The following RAD54L2 variants were observed in gnomAD, a reference collection of about 807,000 sequenced individuals.
RAD54L2 encodes the protein RAD54 like 2.
In RAD54L2, 27 loss-of-function variants were observed where a neutral mutation model predicts 138.4. The ratio of observed to expected loss-of-function variants is 0.20; its 90% CI spans 0.14 to 0.27. RAD54L2 has a LOEUF of 0.27. Among genes scored for constraint, RAD54L2 ranks in the 10% least tolerant of loss-of-function variants. RAD54L2 has a pLI of 1.00. For missense variants in RAD54L2, 1,396 were observed against 1,890.2 expected (o/e 0.74, Z 4.85); for synonymous variants, 644 against 723.2 (o/e 0.89, Z 1.76).
chr3:51,655,195 A>G (rs192932854), intron 19 of RAD54L2, among the ~76,000 whole-genome samples: 2 of 151,512 alleles, frequency 1.3e-5, no homozygotes, highest in Non-Finnish European at 3.0e-5. Context: ...GAAGAACATA[A>G]CAGTCTTAAG....
intron 5 of RAD54L2, among the ~76,000 whole-genome samples, chr3:51,629,862 C>A (rs1700796294): frequency 6.6e-6 from 1 of 151,440 alleles, no homozygotes; most frequent in African/African-American, 2.4e-5. Flanking sequence ...GACTCTATCT[C>A]AAAAAAATAA....
chr3:51,565,807 G>A (rs1443266450), intron 2 of RAD54L2, among the ~76,000 whole-genome samples: 2 of 149,986 alleles, frequency 1.3e-5, no homozygotes, highest in Admixed American at 6.7e-5. Flanking sequence ...CTTTCATGTA[G>A]CCACCTTACT....
intron 3 of RAD54L2, among the ~76,000 whole-genome samples, chr3:51,607,674 C>T (rs1182459058): frequency 2.0e-5 from 3 of 151,626 alleles, no homozygotes; most frequent in African/African-American, 2.4e-5. Flanking sequence ...ACTTCCCAGA[C>T]GGGGCGGCCG....
intron 19 of RAD54L2, among the ~76,000 whole-genome samples, chr3:51,652,150 G>T (rs1318490641): frequency 2.0e-5 from 3 of 151,786 alleles, no homozygotes; most frequent in Non-Finnish European, 4.4e-5. Context: ...ATAACAGACA[G>T]AGAGCCAAAT....
chr3:51,584,303 C>T (rs1699667950), intron 2 of RAD54L2, among the ~76,000 whole-genome samples: 1 of 152,050 alleles, frequency 6.6e-6, no homozygotes, highest in African/African-American at 2.4e-5. Context: ...TGCATTTGTT[C>T]ACCTTTTGTT....
intron 3 of RAD54L2, among the ~76,000 whole-genome samples, chr3:51,624,107 C>G (rs898742093): frequency 1.6e-4 from 25 of 151,930 alleles, no homozygotes; most frequent in African/African-American, 5.8e-4. Flanking sequence ...ATCCATACCT[C>G]ATACCTGGAA....
At chr3:51,639,179 A>T (rs911526404) in intron 12 of RAD54L2, 33 of 537,844 alleles carry the variant, frequency 6.1e-5, no homozygotes, top group Non-Finnish European at 6.6e-6. Flanking sequence ...TGTATCAAAC[A>T]TACTTACTGG....
chr3:51,655,126 C>G (rs528861820), intron 19 of RAD54L2, among the ~76,000 whole-genome samples: 1 of 152,126 alleles, frequency 6.6e-6, no homozygotes, highest in South Asian at 2.1e-4. Flanking sequence ...TGCAGACCAG[C>G]TCCAACAGCA....
intron 2 of RAD54L2, among the ~76,000 whole-genome samples, chr3:51,551,137 CT>C (rs1698825508): frequency 6.7e-6 from 1 of 150,254 alleles, no homozygotes; most frequent in African/African-American, 2.4e-5. Flanking sequence ...TTCATTTAAT[CT>C]TTTTTTGTTG....
intron 3 of RAD54L2, among the ~76,000 whole-genome samples, chr3:51,617,531 G>T (rs752524353): frequency 2.0e-5 from 3 of 151,984 alleles, no homozygotes; most frequent in Non-Finnish European, 4.4e-5. Flanking sequence ...CTTCTCATTT[G>T]CCCCTTTTTA....
At chr3:51,584,987 AG>A (rs1400866908) in intron 2 of RAD54L2, among the ~76,000 whole-genome samples, 39 of 150,528 alleles carry the variant, frequency 2.6e-4, no homozygotes, top group Admixed American at 2.6e-3. Context: ...TTTTTTGTAG[AG>A]GTGGGGTCTT....
rs1701041449 is a variant in RAD54L2 at position 51,638,337 on chromosome 3, A to T, written c.1860+16A>T. 3 of 1,612,902 alleles carry T rather than the reference A, an allele frequency of 1.9e-6. No homozygotes were observed. Among genetic ancestry groups the T allele is most frequent in the African/African-American group, 2.7e-5 (2 of 75,026 alleles). On this transcript the variant is annotated intron_variant, in intron 12 of 22. Coordinates refer to ENST00000684192, the MANE Select transcript of RAD54L2 (RefSeq NM_015106.4). This position sits in a 1 kb window ranked among gnomAD's most constrained non-coding sequence, Gnocchi z 4.3. Reference sequence around the variant, plus strand: ...GTGTTGCAAGGTGCATTGGGGCCTCAGGGAAGATTGAGATGGGGACTAAGG... The same window carrying T: ...GTGTTGCAAGGTGCATTGGGGCCTCTGGGAAGATTGAGATGGGGACTAAGG...
In RAD54L2 at chr3:51,646,294, G is replaced by A. The variant is rs777342901; in HGVS notation, c.2839G>A (p.Glu947Lys). The A allele has an allele frequency of 6.3e-6, 10 of 1,585,974 alleles. No individual in the cohort carries two copies. The highest frequency in any genetic ancestry group is 5.5e-5 in the Admixed American group (3 of 54,886). Residue 947 changes from glutamate (E) to lysine (K), a missense_variant, in exon 19 of 23, where the codon GAG becomes AAG. Glu to Lys is a moderately conservative substitution (Grantham distance 56, BLOSUM62 1). Transcript: ENST00000684192. ...YPHLITKEPF[E>K]HESLLLNRKD... ...CCTCCTGTGTCCCCAGGAGCCTTTC[G>A]AGCATGAGTCATTGCTCTTGAACCG... is the stretch of plus-strand genomic sequence containing the variant.
intron 19 of RAD54L2, among the ~76,000 whole-genome samples, chr3:51,647,389 T>C (rs1701307752): frequency 6.6e-6 from 1 of 152,104 alleles, no homozygotes; most frequent in South Asian, 2.1e-4. Context: ...CTTTTTTGGC[T>C]GGGCACAGTG....
intron 5 of RAD54L2, 100 bp from the exon 6 acceptor site, chr3:51,630,172 A>C (rs1577439708): frequency 1.1e-6 from 1 of 870,764 alleles, no homozygotes. Flanking sequence ...GATACTCCCC[A>C]TGAGAGCTAT....
At position 51,662,280 on chromosome 3, in the gene RAD54L2, AG is replaced by A; in HGVS notation, c.3410-144del. 1.5e-6 allele frequency: 1 copy of A among 656,730 alleles called. No individual in the cohort carries two copies. The highest frequency in any genetic ancestry group is 2.3e-6 in the Non-Finnish European group (1 of 431,288). The allele number at this position is 656,730 out of a possible 1,614,324, so 40.7% of individuals were successfully genotyped here. A position where few individuals can be genotyped will look rare whatever the true frequency, so the allele number is the denominator to read the frequency against. ...CAAAGAATTTCTTTGTGACTGGAAA[AG>A]GTTGACTGGGTGATGTTGTTCAGAC... is the stretch of plus-strand genomic sequence containing the variant. On this transcript the variant is annotated intron_variant, in intron 22 of 22. Transcript: ENST00000684192. The surrounding 1 kb of genome is among the most constrained non-coding windows in gnomAD (Gnocchi z 4.6).
chr3:51,644,692 G>A (rs781353522), intron 16 of RAD54L2, among the ~76,000 whole-genome samples: 12 of 152,212 alleles, frequency 7.9e-5, no homozygotes, highest in Non-Finnish European at 1.3e-4. Flanking sequence ...CCCCTAAGCT[G>A]TTAGACTAAA....
At chr3:51,599,147 G>T (rs1700029958) in intron 3 of RAD54L2, among the ~76,000 whole-genome samples, 1 of 152,128 alleles carries the variant, frequency 6.6e-6, no homozygotes, top group Non-Finnish European at 1.5e-5. Flanking sequence ...GAATTAATTG[G>T]TCGCTTGGTG....
In RAD54L2 at chr3:51,638,997, C is replaced by T. The variant is rs1701059012; in HGVS notation, c.1861-422C>T. On this transcript the variant is annotated intron_variant, in intron 12 of 22. Coordinates refer to ENST00000684192, the MANE Select transcript of RAD54L2 (RefSeq NM_015106.4). This position sits in a 1 kb window ranked among gnomAD's most constrained non-coding sequence, Gnocchi z 4.3. Reference sequence around the variant, plus strand: ...CCTCTCTTCTCCTGGGAGTTCTCAACTCTTGCTAGGAATACTCTGTGAAAT... The same window carrying T: ...CCTCTCTTCTCCTGGGAGTTCTCAATTCTTGCTAGGAATACTCTGTGAAAT... The T allele has an allele frequency of 5.8e-6, 1 of 172,570 alleles. No individual in the cohort carries two copies. The highest frequency in any genetic ancestry group is 1.2e-5 in the Non-Finnish European group (1 of 80,616). The allele number at this position is 172,570 out of a possible 1,614,324, so 10.7% of individuals were successfully genotyped here.
Sources: allele counts gnomAD v4.1 joint callset (sites outside exome capture counted in the v4.1 genomes callset), GRCh38; gene constraint gnomAD v4.1.1; non-coding constraint Gnocchi (gnomAD v3.1); transcripts MANE v1.5; gene names NCBI Gene and HGNC (gene_info 2026-07-23, HGNC 2026-07-21).